GAN: variants seen among roughly 807,000 people sequenced by gnomAD.
GAN encodes the protein gigaxonin.
A neutral mutation model predicts 71.3 loss-of-function variants in GAN; 48 were observed. That is an observed-to-expected ratio of 0.67 (90% CI 0.53 to 0.86). The LOEUF is 0.86. GAN is among the 40% of genes least tolerant of loss of function. The probability of loss-of-function intolerance (pLI) is 0.00; values close to 1 mark genes in which losing one functional copy is unlikely to be tolerated. For synonymous variants in GAN, 386 were observed against 276.8 expected, an observed-to-expected ratio of 1.39 and a Z score of -3.92; for missense variants, 928 against 770.1, an observed-to-expected ratio of 1.21 and a Z score of -2.43.
At chr16:81,357,671 G>C in intron 4 of GAN, 139 bp from the exon 5 acceptor site, 1 of 787,910 alleles carries the variant, frequency 1.3e-6, no homozygotes, top group Non-Finnish European at 2.2e-6. Flanking sequence ...AGATCCCTGA[G>C]GAATCGTCAC....
chr16:81,342,416 A>C (rs1909974477), intron 1 of GAN, among the ~76,000 whole-genome samples: 2 of 152,246 alleles, frequency 1.3e-5, no homozygotes, highest in African/African-American at 4.8e-5. Flanking sequence ...AAAAGAACAG[A>C]AATCACAACA....
intron 4 of GAN, 125 bp from the exon 5 acceptor site, chr16:81,357,685 G>A: frequency 1.1e-6 from 1 of 907,582 alleles, no homozygotes; most frequent in South Asian, 1.3e-5. Context: ...TCGTCACACT[G>A]ACTTCCACAA....
Position 81,384,752 on chromosome 16 carries a change from G to A in GAN, c.*7156G>A, listed in dbSNP as rs1019548911. 1 of 152,138 alleles carries A rather than the reference G, an allele frequency of 6.6e-6. No homozygotes were observed. Among genetic ancestry groups the A allele is most frequent in the Non-Finnish European group, 1.5e-5 (1 of 68,052 alleles). The allele number at this position is 152,138 out of a possible 1,614,324, so 9.4% of individuals were successfully genotyped here. On this transcript the variant is annotated 3_prime_UTR_variant, in exon 11 of 11. Transcript: ENST00000648994. Reference sequence around the variant, plus strand: ...TCATGAATGATGTGATTTGTTCCATGTATCTGTGGAACATCCCTCACCTTC... The same window carrying A: ...TCATGAATGATGTGATTTGTTCCATATATCTGTGGAACATCCCTCACCTTC...
chr16:81,382,511 C>G lies in GAN; in HGVS notation c.*4915C>G, dbSNP rs530771555. 6.6e-6 allele frequency: 1 copy of G among 152,192 alleles called. No homozygotes were observed. The highest frequency in any genetic ancestry group is 1.5e-5 in the Non-Finnish European group (1 of 68,038). The allele number at this position is 152,192 out of a possible 1,614,324, so 9.4% of individuals were successfully genotyped here. A position where few individuals can be genotyped will look rare whatever the true frequency, so the allele number is the denominator to read the frequency against. On this transcript the variant is annotated 3_prime_UTR_variant, in exon 11 of 11. Transcript: ENST00000648994. ...TTTATTTCAAAGAGCTTCATGTATA[C>G]TTCCCTCTCTTATTCCATGTAATTA...
At chr16:81,364,259 A>ACTCT (rs535363407) in intron 7 of GAN, among the ~76,000 whole-genome samples, 2 of 150,524 alleles carry the variant, frequency 1.3e-5, no homozygotes, top group East Asian at 1.9e-4. Flanking sequence ...TCCCTCTCTT[A>ACTCT]CTCTCTCTCT....
chr16:81,366,581 C>T (rs558101896), intron 9 of GAN, among the ~76,000 whole-genome samples: 7 of 152,254 alleles, frequency 4.6e-5, no homozygotes, highest in Non-Finnish European at 1.0e-4. Context: ...GATGAGGGCA[C>T]GCAGTGAGCA....
intron 9 of GAN, 132 bp downstream of exon 9, chr16:81,365,610 C>T: frequency 1.2e-6 from 1 of 869,284 alleles, no homozygotes; most frequent in Non-Finnish European, 1.9e-6. Flanking sequence ...CTCATGCATA[C>T]TAGATATTTA....
At chr16:81,323,032 G>T (rs1041474451) in intron 1 of GAN, among the ~76,000 whole-genome samples, 1 of 152,184 alleles carries the variant, frequency 6.6e-6, no homozygotes, top group Non-Finnish European at 1.5e-5. Context: ...CCATGCTACA[G>T]CCCCCAGTCT....
rs573548567 is a variant in GAN, at chr16:81,389,640, A to C, written c.*12044A>C. On this transcript the variant is annotated 3_prime_UTR_variant, in exon 11 of 11. Transcript: ENST00000648994. The stretch of plus-strand genomic sequence containing the variant: ...TTCATGACACACTAGAAATGTGTAC[A>C]TTCTTTTGTTTTCCATCACGGGTAT... The C allele has an allele frequency of 6.6e-5, 10 of 152,350 alleles. No homozygotes were observed. The highest frequency in any genetic ancestry group is 2.4e-4 in the African/African-American group (10 of 41,588). 9.4% of individuals were successfully genotyped at this position (152,350 alleles called of 1,614,324 possible). A position where few individuals can be genotyped will look rare whatever the true frequency, so the allele number is the denominator to read the frequency against.
At chr16:81,360,522 T>G (rs550199670) in intron 5 of GAN, among the ~76,000 whole-genome samples, 1 of 152,250 alleles carries the variant, frequency 6.6e-6, no homozygotes, top group Admixed American at 6.5e-5. Flanking sequence ...ATCTTTTGAT[T>G]TATCTTCTTT....
Position 81,329,297 on chromosome 16 carries a change from G to C in GAN, c.167+14017G>C, listed in dbSNP as rs183518279. On this transcript the variant is annotated intron_variant, in intron 1 of 10. Coordinates refer to ENST00000648994, the MANE Select transcript of GAN (RefSeq NM_022041.4). Reference sequence around the variant, plus strand: ...GAACAAACGCATCTGTTAAAAGCAAGCAGAGGAAGCATAGATTCATTCAGG... The same window carrying C: ...GAACAAACGCATCTGTTAAAAGCAACCAGAGGAAGCATAGATTCATTCAGG... 6.6e-5 allele frequency among the ~76,000 whole-genome samples: 10 copies of C among 152,146 alleles called. No individual in the cohort carries two copies. In the East Asian group the frequency reaches 1.9e-3, roughly 29 times the overall value.
intron 1 of GAN, among the ~76,000 whole-genome samples, chr16:81,343,759 T>A (rs532285693): frequency 6.6e-6 from 1 of 152,222 alleles, no homozygotes; most frequent in South Asian, 2.1e-4. Context: ...TATTGGAAGT[T>A]CCGGCCAGAG....
intron 9 of GAN, among the ~76,000 whole-genome samples, chr16:81,375,819 C>A (rs987720925): frequency 1.3e-5 from 2 of 151,202 alleles, no homozygotes; most frequent in African/African-American, 4.9e-5. Context: ...AAAAAAAATT[C>A]ATTAGCTGGG....
chr16:81,329,798 C>A (rs890862206), intron 1 of GAN, among the ~76,000 whole-genome samples: 1 of 152,184 alleles, frequency 6.6e-6, no homozygotes, highest in African/African-American at 2.4e-5. Context: ...CATTCTCACC[C>A]TGCACTGTCT....
rs978624974 is a variant in GAN, at chr16:81,358,005, T to G, written c.973+74T>G. 3 of 1,251,060 alleles carry G rather than the reference T, an allele frequency of 2.4e-6. No homozygotes were observed. In the African/African-American group the frequency reaches 4.4e-5, roughly 18 times the overall value. 77.5% of individuals were successfully genotyped at this position (1,251,060 alleles called of 1,614,324 possible). ...TAATCTCAAGGTTTTACAGAATGAC[T>G]CAGAGCCTTTTAAAGATACAATTTT... On this transcript the variant is annotated intron_variant, in intron 5 of 10. Coordinates refer to ENST00000648994, the MANE Select transcript of GAN (RefSeq NM_022041.4).
At chr16:81,376,539 A>G (rs2150698273) in intron 9 of GAN, among the ~76,000 whole-genome samples, 1 of 149,612 alleles carries the variant, frequency 6.7e-6, no homozygotes, top group African/African-American at 2.5e-5. Flanking sequence ...ATATGTGTAT[A>G]TGTATATACA....
chr16:81,367,630 A>G (rs537914745), intron 9 of GAN, among the ~76,000 whole-genome samples: 4 of 152,380 alleles, frequency 2.6e-5, no homozygotes, highest in African/African-American at 9.6e-5. Context: ...CTGTTAATTT[A>G]TCTTACCAAT....
intron 5 of GAN, among the ~76,000 whole-genome samples, chr16:81,359,022 G>A (rs771849644): frequency 2.6e-5 from 4 of 152,150 alleles, no homozygotes; most frequent in African/African-American, 9.7e-5. Flanking sequence ...AAGCTATACT[G>A]TACCACAGTG....
intron 5 of GAN, among the ~76,000 whole-genome samples, chr16:81,360,118 G>C (rs1166005954): frequency 6.6e-6 from 1 of 152,144 alleles, no homozygotes; most frequent in African/African-American, 2.4e-5. Flanking sequence ...AGACAGGCAG[G>C]TAGGTAGGTA....
Sources: gnomAD v4.1 joint callset for allele counts (sites outside exome capture counted in the v4.1 genomes callset) on GRCh38, gnomAD v4.1.1 for gene constraint, MANE v1.5 for transcripts, NCBI Gene and HGNC (gene_info 2026-07-23, HGNC 2026-07-21) for gene names.